Variants in ANKHD1 observed in about 807,000 individuals in gnomAD.
The protein encoded by ANKHD1 is ankyrin repeat and KH domain-containing protein 1.
A neutral mutation model predicts 230.5 loss-of-function variants in ANKHD1; 31 were observed. That is an observed-to-expected ratio of 0.13 (90% CI 0.10 to 0.18). The LOEUF (loss-of-function observed/expected upper bound fraction) is 0.18. Among genes scored for constraint, ANKHD1 ranks in the 10% least tolerant of loss-of-function variants. The pLI is 1.00. For missense variants in ANKHD1, 2,256 were observed against 3,071.3 expected, an observed-to-expected ratio of 0.73 and a Z score of 6.27; for synonymous variants, 1,074 against 1,117.6, an observed-to-expected ratio of 0.96 and a Z score of 0.78.
chr5:140,439,358 C>G (rs964557579), intron 3 of ANKHD1, among the ~76,000 whole-genome samples: 1 of 152,018 alleles, frequency 6.6e-6, no homozygotes, highest in African/African-American at 2.4e-5. Flanking sequence ...GAAGAATTGT[C>G]TTGGGCCACA....
intron 24 of ANKHD1, among the ~76,000 whole-genome samples, chr5:140,517,723 AGATGTTCTTT>A: frequency 6.8e-6 from 1 of 147,782 alleles, no homozygotes; most frequent in South Asian, 2.3e-4. Flanking sequence ...GCAGAAATAA[AGATGTTCTTT>A]GAAACCAACG....
chr5:140,470,610 G>GCTTTTTTTTTTTTTTTTTTTTTTTT (rs1776419609), intron 10 of ANKHD1, among the ~76,000 whole-genome samples: 2 of 76,014 alleles, frequency 2.6e-5, no homozygotes, highest in African/African-American at 4.3e-5. Flanking sequence ...ACTTGTTTCT[G>GCTTTTTTTTTTTTTTTTTTTTTTTT]CTTTTTTTTT....
chr5:140,437,823 C>G (rs914164229), intron 2 of ANKHD1, among the ~76,000 whole-genome samples: 6 of 152,148 alleles, frequency 3.9e-5, no homozygotes, highest in African/African-American at 1.4e-4. Context: ...GGCCTCACAC[C>G]TCAGACATTG....
intron 10 of ANKHD1, among the ~76,000 whole-genome samples, chr5:140,476,086 TG>T (rs1750949771): frequency 6.6e-6 from 1 of 152,048 alleles, no homozygotes; most frequent in African/African-American, 2.4e-5. Flanking sequence ...CTAAAAGTTT[TG>T]GGGGGTAACC....
At chr5:140,438,419 T>G (rs199845430) in intron 2 of ANKHD1, 42 bp from the exon 3 acceptor site, 509 of 1,481,530 alleles carry the variant, frequency 3.4e-4, no homozygotes, top group African/African-American at 5.9e-4. Context: ...TACTTTTTTT[T>G]TTGTTGTTCT....
intron 28 of ANKHD1, 76 bp downstream of exon 28, chr5:140,528,098 TTAAG>T: frequency 4.5e-6 from 7 of 1,560,694 alleles, no homozygotes; most frequent in Non-Finnish European, 6.0e-6. Context: ...TATGGTATAA[TTAAG>T]AACTTTATTT....
chr5:140,424,008 G>T (rs1467695031), intron 1 of ANKHD1, among the ~76,000 whole-genome samples: 2 of 152,084 alleles, frequency 1.3e-5, no homozygotes, highest in Admixed American at 6.6e-5. Context: ...GTAGATAAAG[G>T]ATCCAAATTC....
chr5:140,432,074 T>C (rs1278584815), intron 1 of ANKHD1, among the ~76,000 whole-genome samples: 1 of 152,226 alleles, frequency 6.6e-6, no homozygotes, highest in African/African-American at 2.4e-5. Context: ...AGATACCTTA[T>C]ATCTTTTAAA....
Position 140,497,147 on chromosome 5 carries a change from A to G in ANKHD1, c.2873A>G (p.Gln958Arg). The G allele has an allele frequency of 6.2e-7, 1 of 1,614,168 alleles. No homozygotes were observed. Among genetic ancestry groups the G allele is most frequent in the Non-Finnish European group, 8.5e-7 (1 of 1,180,018 alleles). Residue 958 changes from glutamine (Q) to arginine (R), a missense_variant, in exon 15 of 34, where the codon CAG (glutamine) becomes CGG (arginine). Gln to Arg is a conservative substitution (Grantham distance 43, BLOSUM62 1). Coordinates refer to ENST00000360839, the MANE Select transcript of ANKHD1 (RefSeq NM_017747.3). ...SLELQKVSGN[Q>R]QIVGQPQIAI... ...GAACTTCAGAAAGTATCAGGTAATC[A>G]GCAGATTGTAGGACAGCCTCAGATT...
At chr5:140,419,534 A>G (rs1771704665) in intron 1 of ANKHD1, among the ~76,000 whole-genome samples, 1 of 146,978 alleles carries the variant, frequency 6.8e-6, no homozygotes, top group Non-Finnish European at 1.5e-5. Flanking sequence ...ATCATAGCTC[A>G]CTGAAGCCTC....
intron 10 of ANKHD1, chr5:140,465,048 TG>T (rs1775989669): frequency 9.7e-6 from 2 of 205,620 alleles, no homozygotes; most frequent in South Asian, 2.5e-4. Context: ...CTTTTTAAAC[TG>T]CCATCTGTTA....
In ANKHD1 at chr5:140,510,025, C is replaced by T. The variant is rs1752690663; in HGVS notation, c.3948C>T (p.Ala1316=). The part of the protein sequence containing the change: ...KFCELLIHRG[A]HIDVRNKKGN... ...TAATATGCCTTGTTTACAGGGGAGC[C>T]CACATTGATGTTCGTAACAAAAAGG... The change falls in exon 22 of 34, where the codon GCC becomes GCT. Residue 1316 remains alanine (A), a synonymous_variant. Transcript: ENST00000360839. 3 of 1,612,476 alleles carry T rather than the reference C, an allele frequency of 1.9e-6. No individual in the cohort carries two copies.
intron 32 of ANKHD1, 73 bp downstream of exon 32, chr5:140,538,334 G>C (rs1223303379): frequency 1.3e-6 from 2 of 1,554,444 alleles, no homozygotes; most frequent in African/African-American, 2.7e-5. Flanking sequence ...GGAATACCTT[G>C]TATTGAAATA....
intron 10 of ANKHD1, 98 bp from the exon 11 acceptor site, chr5:140,482,482 A>G (rs984145322): frequency 9.1e-5 from 125 of 1,371,494 alleles, no homozygotes; most frequent in Admixed American, 1.9e-4. Flanking sequence ...GAGTAAGTAT[A>G]TTAAATCCTC....
At chr5:140,447,189 C>T (rs552210717) in intron 6 of ANKHD1, among the ~76,000 whole-genome samples, 2 of 152,164 alleles carry the variant, frequency 1.3e-5, no homozygotes, top group African/African-American at 2.4e-5. Context: ...AGGCATGAAC[C>T]ACCGTGCCTG....
At position 140,507,649 on chromosome 5, in the gene ANKHD1, A is replaced by G; in HGVS notation, c.3552-136A>G. On this transcript the variant is annotated intron_variant, in intron 19 of 33. Coordinates refer to ENST00000360839, the MANE Select transcript of ANKHD1 (RefSeq NM_017747.3). The surrounding 1 kb of genome is among the most constrained non-coding windows in gnomAD (Gnocchi z 4.1). ...TTGTGACATTTTCTTATTCTTTATT[A>G]TTGGTCGAAACAAGTAAAATCTATT... 1 of 1,079,790 alleles carries G rather than the reference A, an allele frequency of 9.3e-7. No individual in the cohort carries two copies. The allele number at this position is 1,079,790 out of a possible 1,614,324, so 66.9% of individuals were successfully genotyped here. A position where few individuals can be genotyped will look rare whatever the true frequency, so the allele number is the denominator to read the frequency against.
chr5:140,508,377 A>G (rs964273163), intron 20 of ANKHD1, among the ~76,000 whole-genome samples: 18 of 152,198 alleles, frequency 1.2e-4, no homozygotes, highest in Admixed American at 7.9e-4. Context: ...TTAATTCACA[A>G]GTTATAAAAT....
chr5:140,488,582 G>A (rs1451401367), intron 14 of ANKHD1, among the ~76,000 whole-genome samples: 4 of 142,200 alleles, frequency 2.8e-5, no homozygotes, highest in African/African-American at 1.1e-4. Context: ...GCAAAACTCT[G>A]TCTCAAAAAA....
chr5:140,528,938 C>T lies in ANKHD1; in HGVS notation c.5992C>T (p.Gln1998Ter). 1 of 1,614,184 alleles carries T rather than the reference C, an allele frequency of 6.2e-7. No individual in the cohort carries two copies. The highest frequency in any genetic ancestry group is 8.5e-7 in the Non-Finnish European group (1 of 1,180,036). ...CTCCTCTGCACCTATCACTAGCGGG[C>T]AAGCTCCCACCACATTTCTACCTGC... is the stretch of plus-strand genomic sequence containing the variant. Reference protein sequence around the residue: ...SVSSAPITSGQAPTTFLPAST... With the variant: ...SVSSAPITSG Residue 1998 changes from glutamine (Q) to a stop codon, truncating the protein, a stop_gained, in exon 29 of 34, where the codon CAA becomes TAA. Coordinates refer to ENST00000360839, the MANE Select transcript of ANKHD1 (RefSeq NM_017747.3). LOFTEE classifies it high-confidence loss of function.
Sources: gnomAD v4.1 joint callset for allele counts (sites outside exome capture counted in the v4.1 genomes callset) on GRCh38, gnomAD v4.1.1 for gene constraint, Gnocchi (gnomAD v3.1) non-coding constraint, MANE v1.5 for transcripts, NCBI Gene and HGNC (gene_info 2026-07-23, HGNC 2026-07-21) for gene names.